TRPM1: variants seen among roughly 807,000 people sequenced by gnomAD.
The protein encoded by TRPM1 is TRPM1-203 APA Isoform, Intron 10.
In TRPM1, 113 loss-of-function variants were observed where a neutral mutation model predicts 149.4. The observed-to-expected ratio is 0.76, with a 90% CI of 0.65 to 0.88. TRPM1 has a LOEUF of 0.88. Among genes scored for constraint, TRPM1 ranks in the 40% least tolerant of loss-of-function variants. The pLI is 0.00. For synonymous variants in TRPM1, 741 were observed against 759.5 expected, an observed-to-expected ratio of 0.98 and a Z score of 0.40; for missense variants, 1,976 against 2,038.7, an observed-to-expected ratio of 0.97 and a Z score of 0.59.
chr15:31,023,253 A>G (rs1456784718), intron 27 of TRPM1, among the ~76,000 whole-genome samples: 1 of 152,238 alleles, frequency 6.6e-6, no homozygotes, highest in Non-Finnish European at 1.5e-5. Flanking sequence ...GGTGCATCAG[A>G]CAGAGGGCAC....
intron 5 of TRPM1, 111 bp from the exon 6 acceptor site, chr15:31,067,298 G>T: frequency 6.8e-7 from 1 of 1,465,252 alleles, no homozygotes; most frequent in South Asian, 1.1e-5. Context: ...CAGATCAGGG[G>T]TGAGACACAC....
intron 1 of TRPM1, among the ~76,000 whole-genome samples, chr15:31,136,648 C>T (rs540322051): frequency 2.6e-5 from 4 of 152,156 alleles, no homozygotes; most frequent in Admixed American, 1.3e-4. Context: ...TTAACCCGAA[C>T]GAAGTTCCAT....
intron 21 of TRPM1, among the ~76,000 whole-genome samples, chr15:31,033,992 TTAA>T (rs1401435550): frequency 1.3e-5 from 2 of 152,196 alleles, no homozygotes; most frequent in Non-Finnish European, 2.9e-5. Flanking sequence ...CTGGACTAGG[TTAA>T]TAATGTTTTT....
intron 1 of TRPM1, among the ~76,000 whole-genome samples, chr15:31,148,311 G>A (rs73377639): frequency 0.025 from 3,787 of 152,304 alleles, 176 homozygotes; most frequent in African/African-American, 0.086. Context: ...AATGAGCTGG[G>A]GGTGTGCAAT....
At chr15:31,038,542 A>G (rs1003327716) in intron 18 of TRPM1, among the ~76,000 whole-genome samples, 1 of 152,074 alleles carries the variant, frequency 6.6e-6, no homozygotes, top group Non-Finnish European at 1.5e-5. Flanking sequence ...GTGAAACCCC[A>G]TCTCTACTAA....
In TRPM1 at chr15:31,001,945, A is replaced by C; in HGVS notation, c.4755T>G (p.Ile1585Met). Reference sequence around the variant, plus strand: ...GTCCAGATCTGTCTAACTTTCCCTGAATGGATTTCACATTCCTAGGATGTC... The same window carrying C: ...GTCCAGATCTGTCTAACTTTCCCTGCATGGATTTCACATTCCTAGGATGTC... The part of the protein sequence containing the change: ...LHGHPRNVKS[I>M]QGKLDRSGHA... The change falls in exon 28 of 28, where the codon ATT (isoleucine) becomes ATG (methionine). Residue 1585 changes from isoleucine (I) to methionine (M), a missense_variant. Ile to Met is a conservative substitution (Grantham distance 10, BLOSUM62 1). Transcript: ENST00000256552. 1.2e-6 allele frequency: 2 copies of C among 1,614,152 alleles called. No homozygotes were observed. The highest frequency in any genetic ancestry group is 1.7e-6 in the Non-Finnish European group (2 of 1,180,026).
intron 1 of TRPM1, among the ~76,000 whole-genome samples, chr15:31,084,363 C>A (rs1250295620): frequency 2.6e-5 from 4 of 152,160 alleles, no homozygotes; most frequent in African/African-American, 9.7e-5. Flanking sequence ...ACTCCTCATT[C>A]CTCCCTGACC....
At chr15:31,113,874 C>T (rs1488111011) in intron 1 of TRPM1, among the ~76,000 whole-genome samples, 3 of 152,152 alleles carry the variant, frequency 2.0e-5, no homozygotes, top group African/African-American at 2.4e-5. Context: ...GGAAGGGTAC[C>T]GAGCAAATTG....
chr15:31,020,086 T>C (rs2032505412), intron 27 of TRPM1, among the ~76,000 whole-genome samples: 1 of 152,258 alleles, frequency 6.6e-6, no homozygotes, highest in East Asian at 1.9e-4. Context: ...CATTTAAACA[T>C]ACCCCAGACT....
chr15:31,028,600 T>C, intron 24 of TRPM1, 124 bp from the exon 25 acceptor site: 1 of 1,255,212 alleles, frequency 8.0e-7, no homozygotes, highest in Non-Finnish European at 1.1e-6. Context: ...TCATAAGCAA[T>C]ATTTTTTCCA....
chr15:31,027,891 T>A (rs2032860503), intron 25 of TRPM1, among the ~76,000 whole-genome samples: 1 of 152,248 alleles, frequency 6.6e-6, no homozygotes, highest in South Asian at 2.1e-4. Context: ...AAGCCATTTT[T>A]TTCTTAGGCC....
intron 1 of TRPM1, among the ~76,000 whole-genome samples, chr15:31,101,005 G>A (rs886299546): frequency 2.0e-5 from 3 of 152,336 alleles, no homozygotes; most frequent in South Asian, 2.1e-4. Context: ...GCTCCCAGCA[G>A]TGAGAGGGAG....
At chr15:31,088,849 G>T (rs986109780) in intron 1 of TRPM1, among the ~76,000 whole-genome samples, 7 of 135,600 alleles carry the variant, frequency 5.2e-5, no homozygotes, top group Admixed American at 1.6e-4. Context: ...GATGCGATAA[G>T]CCCTGCTGCG....
chr15:31,150,034 A>G (rs930916391), intron 1 of TRPM1, among the ~76,000 whole-genome samples: 1 of 152,240 alleles, frequency 6.6e-6, no homozygotes, highest in African/African-American at 2.4e-5. Context: ...CTGTGCAGGA[A>G]GTAAGGGGTA....
intron 27 of TRPM1, 149 bp from the exon 28 acceptor site, chr15:31,003,219 T>C (rs2031859429): frequency 1.4e-6 from 1 of 709,064 alleles, no homozygotes; most frequent in East Asian, 2.8e-5. Context: ...TCCCCTAACA[T>C]GACTACTCGA....
chr15:31,062,802 G>C, intron 8 of TRPM1, 100 bp from the exon 9 acceptor site: 2 of 1,349,740 alleles, frequency 1.5e-6, no homozygotes, highest in African/African-American at 1.4e-5. Context: ...TTTGCTGTGG[G>C]AGGATATCCT....
intron 27 of TRPM1, among the ~76,000 whole-genome samples, chr15:31,010,700 T>C (rs953655664): frequency 6.6e-6 from 1 of 152,242 alleles, no homozygotes; most frequent in Non-Finnish European, 1.5e-5. Flanking sequence ...TAACAGATGA[T>C]GTATCTTGGA....
intron 1 of TRPM1, among the ~76,000 whole-genome samples, chr15:31,110,645 A>T (rs568445209): frequency 6.6e-6 from 1 of 151,692 alleles, no homozygotes; most frequent in Non-Finnish European, 1.5e-5. Flanking sequence ...TTTTTGCACC[A>T]CTCTTCTGCA....
At chr15:31,096,288 T>C (rs1162978467) in intron 1 of TRPM1, among the ~76,000 whole-genome samples, 1 of 152,162 alleles carries the variant, frequency 6.6e-6, no homozygotes, top group African/African-American at 2.4e-5. Flanking sequence ...ATCTGCTTTA[T>C]CATTCTCTAA....
Sources: allele counts gnomAD v4.1 joint callset (sites outside exome capture counted in the v4.1 genomes callset), GRCh38; gene constraint gnomAD v4.1.1; transcripts MANE v1.5; gene names NCBI Gene and HGNC (gene_info 2026-07-23, HGNC 2026-07-21).